Variants in STK35 observed in about 807,000 individuals in gnomAD.
STK35 encodes serine/threonine-protein kinase 35.
In STK35, 17 loss-of-function variants were observed where a neutral mutation model predicts 37.3. That is an observed-to-expected ratio of 0.46 (90% CI 0.31 to 0.68). STK35 has a LOEUF of 0.68. STK35 is among the 30% of genes least tolerant of loss of function. The pLI is 0.05. For missense variants in STK35, 595 were observed against 746.7 expected, an observed-to-expected ratio of 0.80 and a Z score of 2.37; for synonymous variants, 385 against 319.1, an observed-to-expected ratio of 1.21 and a Z score of -2.20.
At chr20:2,102,734 G>C (rs1026338379) in intron 1 of STK35, 34 bp from the exon 2 acceptor site, 63 of 1,386,898 alleles carry the variant, frequency 4.5e-5, no homozygotes, top group Non-Finnish European at 5.6e-5. Flanking sequence ...TCCCCGCCTT[G>C]GCCTGGCCGT....
chr20:2,147,028 A>G lies in STK35; in HGVS notation c.*3282A>G, dbSNP rs554815808. 1 of 152,704 alleles carries G rather than the reference A, an allele frequency of 6.5e-6. No individual in the cohort carries two copies. Among genetic ancestry groups the G allele is most frequent in the East Asian group, 1.9e-4 (1 of 5,188 alleles). 9.5% of individuals were successfully genotyped at this position (152,704 alleles called of 1,614,324 possible). A position where few individuals can be genotyped will look rare whatever the true frequency, so the allele number is the denominator to read the frequency against. ...GTTTGCCCCTGTGGCTGCCTTTCTG[A>G]GGGAGTATACTAAATGTTTACTTAA... On this transcript the variant is annotated 3_prime_UTR_variant, in exon 4 of 4. Coordinates refer to ENST00000381482, the MANE Select transcript of STK35 (RefSeq NM_080836.4).
chr20:2,134,630 C>A (rs1236524647), intron 3 of STK35, among the ~76,000 whole-genome samples: 2 of 152,186 alleles, frequency 1.3e-5, no homozygotes, highest in African/African-American at 4.8e-5. Context: ...GTGGCTCAGG[C>A]CTGTAATCCC....
chr20:2,102,717 C>A, intron 1 of STK35, 51 bp from the exon 2 acceptor site: 1 of 1,356,782 alleles, frequency 7.4e-7, no homozygotes. Flanking sequence ...GGCCTACGCT[C>A]CTGGCCTCCC....
chr20:2,134,405 T>G (rs1190527313), intron 3 of STK35, among the ~76,000 whole-genome samples: 1 of 152,158 alleles, frequency 6.6e-6, no homozygotes, highest in Non-Finnish European at 1.5e-5. Flanking sequence ...TTTGGCCTGA[T>G]TTCCCTCAGC....
chr20:2,144,190 C>T lies in STK35; in HGVS notation c.*444C>T, dbSNP rs1415917964. 2.5e-5 allele frequency: 7 copies of T among 280,160 alleles called. No individual in the cohort carries two copies. The highest frequency in any genetic ancestry group is 4.8e-5 in the Non-Finnish European group (7 of 145,986). 17.4% of individuals were successfully genotyped at this position (280,160 alleles called of 1,614,324 possible). ...ATACTTTTCTCAGTTCTACTTATGACACCTCACTTCCCTAGAGAAGGCCTG... is the reference window on the plus strand; with the variant it reads ...ATACTTTTCTCAGTTCTACTTATGATACCTCACTTCCCTAGAGAAGGCCTG... On this transcript the variant is annotated 3_prime_UTR_variant, in exon 4 of 4. Transcript: ENST00000381482.
chr20:2,125,465 G>A (rs775795993), intron 3 of STK35, among the ~76,000 whole-genome samples: 3 of 152,240 alleles, frequency 2.0e-5, no homozygotes, highest in Non-Finnish European at 2.9e-5. Flanking sequence ...GATTTGAGAC[G>A]AGATGTATCT....
chr20:2,136,788 G>A (rs987364449), intron 3 of STK35, among the ~76,000 whole-genome samples: 7 of 152,238 alleles, frequency 4.6e-5, no homozygotes, highest in African/African-American at 1.4e-4. Flanking sequence ...AGGAAGCTCA[G>A]GGTCTAAGAT....
chr20:2,147,660 C>G lies in STK35; in HGVS notation c.*3914C>G, dbSNP rs1315489104. On this transcript the variant is annotated 3_prime_UTR_variant, in exon 4 of 4. Transcript: ENST00000381482. ...ATCCTGCCCATACGCCCCTCTTCCC[C>G]CGACATCTGGGGGCGCTGGTGGCAC... 6.6e-6 allele frequency: 1 copy of G among 152,586 alleles called. No homozygotes were observed. 9.5% of individuals were successfully genotyped at this position (152,586 alleles called of 1,614,324 possible). A position where few individuals can be genotyped will look rare whatever the true frequency, so the allele number is the denominator to read the frequency against.
chr20:2,119,992 G>C (rs547883276), intron 3 of STK35, among the ~76,000 whole-genome samples: 4 of 152,212 alleles, frequency 2.6e-5, no homozygotes, highest in Non-Finnish European at 5.9e-5. Context: ...ACCACCCGTG[G>C]GTAGGAGAAC....
chr20:2,137,921 A>G lies in STK35; in HGVS notation c.*38-5863A>G, dbSNP rs144290204. Among the ~76,000 whole-genome samples, 147 of 152,356 alleles carry G rather than the reference A, an allele frequency of 9.6e-4. 1 individual carries two copies. The highest frequency in any genetic ancestry group is 3.5e-3 in the African/African-American group (145 of 41,586). On this transcript the variant is annotated intron_variant, in intron 3 of 3. Coordinates refer to ENST00000381482, the MANE Select transcript of STK35 (RefSeq NM_080836.4). Reference sequence around the variant, plus strand: ...GAGGACTGCCGTCTGTGACCCTGACAGATGACTTTGCCTCTGTGCACTTGT... The same window carrying G: ...GAGGACTGCCGTCTGTGACCCTGACGGATGACTTTGCCTCTGTGCACTTGT...
chr20:2,129,963 G>C (rs769199754), intron 3 of STK35, among the ~76,000 whole-genome samples: 1 of 152,168 alleles, frequency 6.6e-6, no homozygotes, highest in Non-Finnish European at 1.5e-5. Context: ...GGTTAGGGGA[G>C]ATGGTGAAGT....
chr20:2,134,581 G>T (rs1986053939), intron 3 of STK35, among the ~76,000 whole-genome samples: 1 of 152,158 alleles, frequency 6.6e-6, no homozygotes, highest in African/African-American at 2.4e-5. Flanking sequence ...TGAATGGTGT[G>T]TTATTCTACC....
Position 2,103,091 on chromosome 20 carries a change from G to A in STK35, c.618G>A (p.Ala206=). ...CGCGGCCGCGTTACAGCCTGTTGGCGGAGATCGGGCGCGGCAGCTACGGCG... is the reference window on the plus strand; with the variant it reads ...CGCGGCCGCGTTACAGCCTGTTGGCAGAGATCGGGCGCGGCAGCTACGGCG... ...GSARPRYSLL[A]EIGRGSYGVV... Residue 206 remains alanine, a synonymous_variant, in exon 2 of 4, where the codon GCG becomes GCA. Transcript: ENST00000381482. 6.3e-7 allele frequency: 1 copy of A among 1,598,248 alleles called. No homozygotes were observed. Among genetic ancestry groups the A allele is most frequent in the Non-Finnish European group, 8.5e-7 (1 of 1,178,220 alleles).
intron 2 of STK35, among the ~76,000 whole-genome samples, chr20:2,105,079 C>T (rs1985488116): frequency 6.6e-6 from 1 of 151,578 alleles, no homozygotes; most frequent in South Asian, 2.1e-4. Context: ...ATCAGTTGAG[C>T]CTGGGAGGTT....
chr20:2,115,273 C>G (rs1418769940), intron 2 of STK35, among the ~76,000 whole-genome samples: 1 of 152,016 alleles, frequency 6.6e-6, no homozygotes, highest in Admixed American at 6.5e-5. Context: ...TTGGTAATTT[C>G]AGGCTGTTGG....
Position 2,127,051 on chromosome 20 carries a change from A to AT in STK35, c.*37+9645dup, listed in dbSNP as rs202039410. ...AGTCGCCTTATGAATGGTCACCTTT[A>AT]TTTTTTTTTCCCCTGAACTCGGAGG... On this transcript the variant is annotated intron_variant, in intron 3 of 3. Transcript: ENST00000381482. Among the ~76,000 whole-genome samples the AT allele has an allele frequency of 5.0e-4, 76 of 150,986 alleles. 1 individual carries two copies. In the East Asian group the frequency reaches 0.014, roughly 27 times the overall value.
rs890049241 is a variant in STK35, at chr20:2,123,574, T to C, written c.*37+6159T>C. Among the ~76,000 whole-genome samples, 4 of 152,310 alleles carry C rather than the reference T, an allele frequency of 2.6e-5. 1 individual carries two copies. Among genetic ancestry groups the C allele is most frequent in the African/African-American group, 9.6e-5 (4 of 41,554 alleles). On this transcript the variant is annotated intron_variant, in intron 3 of 3. Transcript: ENST00000381482. ...CCCAATTCAATGACCAATTTTTTGC[T>C]TTGGGCTGGAATTACACGCAACTGT...
At chr20:2,133,689 C>G (rs1444898611) in intron 3 of STK35, among the ~76,000 whole-genome samples, 2 of 152,232 alleles carry the variant, frequency 1.3e-5, no homozygotes, top group Non-Finnish European at 2.9e-5. Flanking sequence ...ACCTCCAAAT[C>G]TCAGAATCTG....
At chr20:2,127,531 T>G (rs1362367515) in intron 3 of STK35, among the ~76,000 whole-genome samples, 1 of 152,162 alleles carries the variant, frequency 6.6e-6, no homozygotes, top group African/African-American at 2.4e-5. Context: ...CAGAAATAAG[T>G]GATTATACCA....
Sources: gnomAD v4.1 joint callset for allele counts (sites outside exome capture counted in the v4.1 genomes callset) on GRCh38, gnomAD v4.1.1 for gene constraint, MANE v1.5 for transcripts, NCBI Gene and HGNC (gene_info 2026-07-23, HGNC 2026-07-21) for gene names.